Variants in COL18A1 observed in about 807,000 individuals in gnomAD.
COL18A1 encodes collagen type XVIII alpha 1 chain.
In COL18A1, 133 loss-of-function variants were observed where a neutral mutation model predicts 168.0. That is an observed-to-expected ratio of 0.79 (90% CI 0.69 to 0.91). The LOEUF is 0.91. Ranked by LOEUF, COL18A1 falls within the 40% of genes least tolerant of loss-of-function variation. COL18A1 has a pLI of 0.00. For missense variants in COL18A1, 2,126 were observed against 1,925.4 expected (o/e 1.10, Z -1.95); for synonymous variants, 949 against 809.0 (o/e 1.17, Z -2.94).
intron 6 of COL18A1, 102 bp downstream of exon 6, chr21:45,476,582 T>C: frequency 7.1e-7 from 1 of 1,400,048 alleles, no homozygotes; most frequent in Non-Finnish European, 9.9e-7. Context: ...GTATGGTGTG[T>C]GTAGTGTGTG....
At position 45,509,304 on chromosome 21, in the gene COL18A1, G is replaced by A. The variant is rs926781781; in HGVS notation, c.3250-52G>A. On this transcript the variant is annotated intron_variant, in intron 38 of 41. Transcript: ENST00000651438. ...CCCAGAGGAGGACACAGATGGAGGA[G>A]GGGCACCCGGAGGGTCCCCCCGCCG... 58 of 1,535,214 alleles carry A rather than the reference G, an allele frequency of 3.8e-5. No homozygotes were observed. In the Admixed American group the frequency reaches 7.3e-4, roughly 19 times the overall value.
chr21:45,482,954 GCCATCTGT>G (rs1386626923), intron 15 of COL18A1, 133 bp downstream of exon 15: 1 of 1,314,936 alleles, frequency 7.6e-7, no homozygotes, highest in East Asian at 2.5e-5. Flanking sequence ...CCCCACTCCT[GCCATCTGT>G]CCATCCGTCC....
rs887282132 is a variant in COL18A1, at chr21:45,505,432, G to T, written c.3087+1G>T. The T allele has an allele frequency of 1.3e-6, 2 of 1,530,330 alleles. No individual in the cohort carries two copies. The highest frequency in any genetic ancestry group is 1.8e-5 in the Admixed American group (1 of 54,618). 94.8% of individuals were successfully genotyped at this position (1,530,330 alleles called of 1,614,324 possible). A position where few individuals can be genotyped will look rare whatever the true frequency, so the allele number is the denominator to read the frequency against. ...TGGAACCATGGGCGCCTCCTCAGGG[G>T]TAAGTGTCTGGGCAGCCGGCTGGGC... On this transcript the variant is annotated splice_donor_variant, in intron 36 of 41. Coordinates refer to ENST00000651438, the MANE Select transcript of COL18A1 (RefSeq NM_001379500.1). LOFTEE classifies it high-confidence loss of function.
chr21:45,487,266 C>T (rs549632024), intron 16 of COL18A1, among the ~76,000 whole-genome samples, 181 bp from the exon 17 acceptor site: 10 of 152,250 alleles, frequency 6.6e-5, no homozygotes, highest in East Asian at 5.8e-4. Context: ...CGGGCTGCCC[C>T]GGGGGGGCTC....
At chr21:45,472,214 C>T (rs1038773881) in intron 3 of COL18A1, among the ~76,000 whole-genome samples, 8 of 151,618 alleles carry the variant, frequency 5.3e-5, no homozygotes, top group African/African-American at 1.7e-4. Context: ...AGTGGAGAAG[C>T]GCAGTTTTTT....
intron 18 of COL18A1, among the ~76,000 whole-genome samples, chr21:45,488,735 C>T (rs1017338875): frequency 4.6e-5 from 7 of 152,208 alleles, no homozygotes; most frequent in South Asian, 2.1e-4. Flanking sequence ...AGACTTGGGC[C>T]GAAAAGAGGG....
chr21:45,466,434 GC>G (rs1324616597), intron 2 of COL18A1, among the ~76,000 whole-genome samples: 2 of 152,322 alleles, frequency 1.3e-5, no homozygotes, highest in African/African-American at 2.4e-5. Flanking sequence ...AGGAGGGGCC[GC>G]CCCACCATAC....
At position 45,492,706 on chromosome 21, in the gene COL18A1, G is replaced by A. The variant is rs1481858986; in HGVS notation, c.2207G>A (p.Gly736Asp). 1 of 1,608,788 alleles carries A rather than the reference G, an allele frequency of 6.2e-7. No individual in the cohort carries two copies. Among genetic ancestry groups the A allele is most frequent in the Admixed American group, 1.7e-5 (1 of 60,006 alleles). Residue 736 changes from glycine (G) to aspartate (D), a missense_variant, in exon 24 of 42, where the codon GGC becomes GAC. Coordinates refer to ENST00000651438, the MANE Select transcript of COL18A1 (RefSeq NM_001379500.1). The part of the protein sequence containing the change: ...PGPEGRPGFA[G>D]FPGPAGPKGN... The stretch of plus-strand genomic sequence containing the variant: ...CCCCAGGGCCGGCCGGGTTTCGCAG[G>A]CTTTCCCGTGAGTAACCTGGTGCCA...
At chr21:45,468,133 A>C in intron 2 of COL18A1, 109 bp from the exon 3 acceptor site, 1 of 1,221,270 alleles carries the variant, frequency 8.2e-7, no homozygotes, top group Non-Finnish European at 1.2e-6. Flanking sequence ...GAGCCCTCCC[A>C]GACTCAGTTT....
chr21:45,486,972 C>T lies in COL18A1; in HGVS notation c.1813C>T (p.Pro605Ser). 2 of 1,514,418 alleles carry T rather than the reference C, an allele frequency of 1.3e-6. No homozygotes were observed. 93.8% of individuals were successfully genotyped at this position (1,514,418 alleles called of 1,614,324 possible). ...GPPGPPGPPG[P>S]GLPAGFDDME... ...CCCTGGGCCCCCTGGGCCCCCAGGA[C>T]CAGGACTCCCCGCTGGATTTGTGAG... The change falls in exon 16 of 42, where the codon CCA becomes TCA. Residue 605 changes from proline (P) to serine (S), a missense_variant. Coordinates refer to ENST00000651438, the MANE Select transcript of COL18A1 (RefSeq NM_001379500.1).
intron 4 of COL18A1, among the ~76,000 whole-genome samples, chr21:45,475,198 C>A (rs1721960067): frequency 6.6e-6 from 1 of 152,206 alleles, no homozygotes; most frequent in African/African-American, 2.4e-5. Context: ...CGTTCCCCCT[C>A]CCGCCTCCGC....
chr21:45,490,130 C>G, intron 19 of COL18A1, 145 bp from the exon 20 acceptor site: 1 of 415,308 alleles, frequency 2.4e-6, no homozygotes, highest in Non-Finnish European at 4.5e-6. Context: ...CTCCATCCCT[C>G]CACAGCCCCT....
At chr21:45,430,255 G>A (rs2033920609) in intron 2 of COL18A1, among the ~76,000 whole-genome samples, 2 of 151,868 alleles carry the variant, frequency 1.3e-5, no homozygotes, top group Admixed American at 1.3e-4. Flanking sequence ...TGGTTTGGGG[G>A]CCGCCATCTT....
chr21:45,422,622 A>C (rs2033662504), intron 2 of COL18A1: 6 of 380,048 alleles, frequency 1.6e-5, no homozygotes, highest in South Asian at 1.2e-4. Flanking sequence ...GGGCTCTCCC[A>C]GCCGTCGGTT....
At chr21:45,437,645 C>T (rs1250215030) in intron 2 of COL18A1, among the ~76,000 whole-genome samples, 2 of 77,060 alleles carry the variant, frequency 2.6e-5, no homozygotes, top group Non-Finnish European at 4.7e-5. Context: ...CACACAGGCA[C>T]TCTCCTGCAC....
chr21:45,437,457 CAG>C (rs1406332608), intron 2 of COL18A1, among the ~76,000 whole-genome samples: 1 of 39,638 alleles, frequency 2.5e-5, no homozygotes, highest in East Asian at 8.7e-4. Flanking sequence ...CACTCACAGA[CAG>C]ACACACAGGC....
intron 2 of COL18A1, among the ~76,000 whole-genome samples, chr21:45,465,590 G>T (rs943929507): frequency 6.6e-6 from 1 of 152,192 alleles, no homozygotes; most frequent in African/African-American, 2.4e-5. Flanking sequence ...TCTTTTCCCT[G>T]GAAAGTGGGC....
At chr21:45,503,126 G>A (rs1397975862) in intron 32 of COL18A1, among the ~76,000 whole-genome samples, 1 of 152,160 alleles carries the variant, frequency 6.6e-6, no homozygotes, top group Non-Finnish European at 1.5e-5. Flanking sequence ...TCTAGTTCTA[G>A]ATCCCTGAGG....
At chr21:45,427,598 C>G (rs774178302) in intron 2 of COL18A1, among the ~76,000 whole-genome samples, 1 of 152,184 alleles carries the variant, frequency 6.6e-6, no homozygotes, top group Non-Finnish European at 1.5e-5. Context: ...CCACGGCGGG[C>G]GGGGAGCGGA....
Sources: gnomAD v4.1 joint callset for allele counts (sites outside exome capture counted in the v4.1 genomes callset) on GRCh38, gnomAD v4.1.1 for gene constraint, MANE v1.5 for transcripts, NCBI Gene and HGNC (gene_info 2026-07-23, HGNC 2026-07-21) for gene names.